The following EBF1 variants were observed in gnomAD, a reference collection of about 807,000 sequenced individuals.
The protein encoded by EBF1 is EBF transcription factor 1.
In EBF1, 10 loss-of-function variants were observed where a neutral mutation model predicts 68.4. The observed-to-expected ratio is 0.15, with a 90% CI of 0.09 to 0.25. The LOEUF (loss-of-function observed/expected upper bound fraction) is 0.25, where lower values mean the gene tolerates loss of function less well. Among genes scored for constraint, EBF1 ranks in the 10% least tolerant of loss-of-function variants. EBF1 has a pLI of 1.00. For missense variants in EBF1, 509 were observed against 794.4 expected (o/e 0.64, Z 4.32); for synonymous variants, 298 against 299.8 (o/e 0.99, Z 0.06).
At chr5:158,786,921 AAAAC>A (rs1374526614) in intron 9 of EBF1, among the ~76,000 whole-genome samples, 1 of 152,192 alleles carries the variant, frequency 6.6e-6, no homozygotes, top group Non-Finnish European at 1.5e-5. Context: ...TCCAAGCTTA[AAAAC>A]AAACAAAAAA....
intron 10 of EBF1, among the ~76,000 whole-genome samples, chr5:158,738,213 A>T (rs921074087): frequency 6.6e-6 from 1 of 152,208 alleles, no homozygotes; most frequent in Non-Finnish European, 1.5e-5. Context: ...CGTATTATAC[A>T]GATAGACATA....
intron 14 of EBF1, among the ~76,000 whole-genome samples, chr5:158,708,487 C>A (rs1758405185): frequency 6.6e-6 from 1 of 152,224 alleles, no homozygotes; most frequent in African/African-American, 2.4e-5. Flanking sequence ...CAGCCCAAGG[C>A]ACTAACCAAT....
At chr5:158,872,397 A>G (rs541176519) in intron 6 of EBF1, among the ~76,000 whole-genome samples, 1 of 152,126 alleles carries the variant, frequency 6.6e-6, no homozygotes, top group Admixed American at 6.5e-5. Context: ...GGGTTTTATC[A>G]TGTTGTCCAG....
intron 6 of EBF1, among the ~76,000 whole-genome samples, chr5:158,924,833 A>G (rs1386507576): frequency 6.9e-6 from 1 of 144,820 alleles, no homozygotes; most frequent in Non-Finnish European, 1.5e-5. Context: ...AGCCTGGGCA[A>G]CAGAGCGAGA....
intron 11 of EBF1, among the ~76,000 whole-genome samples, chr5:158,718,156 C>G (rs1474417076): frequency 6.6e-6 from 1 of 152,180 alleles, no homozygotes; most frequent in African/African-American, 2.4e-5. Context: ...GTTTGAGCTT[C>G]TTGTTGCCCT....
At chr5:159,001,292 T>C (rs1013262025) in intron 6 of EBF1, among the ~76,000 whole-genome samples, 3 of 152,352 alleles carry the variant, frequency 2.0e-5, no homozygotes, top group Admixed American at 6.5e-5. Context: ...CATTTTAATT[T>C]ATAAGACAGT....
At chr5:158,761,670 T>C (rs1234287650) in intron 10 of EBF1, among the ~76,000 whole-genome samples, 1 of 152,206 alleles carries the variant, frequency 6.6e-6, no homozygotes, top group Non-Finnish European at 1.5e-5. Flanking sequence ...GGACAAGGAA[T>C]ATAATCCTGG....
intron 6 of EBF1, among the ~76,000 whole-genome samples, chr5:158,868,563 A>C (rs1796328427): frequency 1.3e-5 from 2 of 152,318 alleles, no homozygotes; most frequent in South Asian, 2.1e-4. Context: ...CAGTGAAGAA[A>C]GGGCAGTGCT....
In EBF1 at chr5:158,920,675, C is replaced by T. The variant is rs1376532236; in HGVS notation, c.555-80565G>A. ...CTCACTGCAGCCTGCAACTCCTGGG[C>T]TCAAATGATCCTCCCTTCTCAGCCT... is the stretch of plus-strand genomic sequence containing the variant. On this transcript the variant is annotated intron_variant, in intron 6 of 15. Coordinates refer to ENST00000313708, the MANE Select transcript of EBF1 (RefSeq NM_024007.5). Among the ~76,000 whole-genome samples, 4 of 152,266 alleles carry T rather than the reference C, an allele frequency of 2.6e-5. No individual in the cohort carries two copies. In the East Asian group the frequency reaches 7.7e-4, roughly 29 times the overall value.
chr5:158,793,993 T>G (rs1779171770), intron 9 of EBF1, among the ~76,000 whole-genome samples: 1 of 152,204 alleles, frequency 6.6e-6, no homozygotes, highest in Admixed American at 6.5e-5. Flanking sequence ...CAGCCCAATT[T>G]AAAGTCCTAC....
intron 6 of EBF1, among the ~76,000 whole-genome samples, chr5:158,843,018 AGCAATTT>A (rs755200354): frequency 3.3e-5 from 5 of 152,238 alleles, no homozygotes; most frequent in Non-Finnish European, 7.3e-5. Context: ...GTACTGTAAC[AGCAATTT>A]TGCTAATAAG....
At chr5:158,717,608 C>T (rs1472651565) in intron 11 of EBF1, among the ~76,000 whole-genome samples, 1 of 151,800 alleles carries the variant, frequency 6.6e-6, no homozygotes, top group Admixed American at 6.6e-5. Flanking sequence ...TAGACAATTC[C>T]AAGATAATTA....
chr5:158,764,221 A>G (rs912958401), intron 10 of EBF1, among the ~76,000 whole-genome samples: 1 of 152,222 alleles, frequency 6.6e-6, no homozygotes, highest in Non-Finnish European at 1.5e-5. Context: ...CAGTTTCTTT[A>G]TAACTAGGTG....
intron 9 of EBF1, among the ~76,000 whole-genome samples, chr5:158,786,231 T>C (rs1777416351): frequency 2.6e-5 from 4 of 151,994 alleles, no homozygotes; most frequent in Admixed American, 1.3e-4. Context: ...TTCACAGAAA[T>C]ATACTGCCCA....
intron 9 of EBF1, among the ~76,000 whole-genome samples, chr5:158,784,175 G>A (rs572076629): frequency 1.3e-4 from 20 of 152,272 alleles, no homozygotes; most frequent in Admixed American, 1.2e-3. Context: ...GTAGTATTAT[G>A]GGGTAGGTAT....
At chr5:159,028,185 A>T (rs1239906255) in intron 6 of EBF1, among the ~76,000 whole-genome samples, 1 of 152,158 alleles carries the variant, frequency 6.6e-6, no homozygotes, top group East Asian at 1.9e-4. Flanking sequence ...GCACTAAAGG[A>T]AAAATACATC....
chr5:159,084,500 C>G (rs1012540380), intron 5 of EBF1, among the ~76,000 whole-genome samples, 166 bp downstream of exon 5: 6 of 151,182 alleles, frequency 4.0e-5, no homozygotes, highest in Non-Finnish European at 7.4e-5. Context: ...TGATGCCTGA[C>G]ACTTTACTAC....
intron 6 of EBF1, chr5:158,986,897 T>A (rs575990979): frequency 6.6e-6 from 1 of 152,370 alleles, no homozygotes; most frequent in East Asian, 1.9e-4. Context: ...AATAAGGAAC[T>A]ACTATTGCCA....
intron 8 of EBF1, among the ~76,000 whole-genome samples, chr5:158,820,299 G>C (rs181986533): frequency 3.3e-5 from 5 of 152,216 alleles, no homozygotes; most frequent in African/African-American, 1.2e-4. Flanking sequence ...AGAGGGATGA[G>C]GGTGTATGAT....
Sources: gnomAD v4.1 joint callset for allele counts (sites outside exome capture counted in the v4.1 genomes callset) on GRCh38, gnomAD v4.1.1 for gene constraint, MANE v1.5 for transcripts, NCBI Gene and HGNC (gene_info 2026-07-23, HGNC 2026-07-21) for gene names.